The following GRIK4 variants were observed in gnomAD, a reference collection of about 807,000 sequenced individuals.
The protein encoded by GRIK4 is glutamate ionotropic receptor kainate type subunit 4.
A neutral mutation model predicts 104.9 loss-of-function variants in GRIK4; 40 were observed. The observed-to-expected ratio is 0.38, with a 90% CI of 0.30 to 0.50. GRIK4 has a LOEUF of 0.50. Among genes scored for constraint, GRIK4 ranks in the 20% least tolerant of loss-of-function variants. The pLI is 0.93. For synonymous variants in GRIK4, 485 were observed against 524.9 expected (o/e 0.92, Z 1.04); for missense variants, 1,047 against 1,308.1 (o/e 0.80, Z 3.08).
intron 1 of GRIK4, among the ~76,000 whole-genome samples, chr11:120,583,122 T>A (rs1363208523): frequency 6.6e-6 from 1 of 152,260 alleles, no homozygotes; most frequent in African/African-American, 2.4e-5. Flanking sequence ...TGAGCATTTT[T>A]TCATGCTTGT....
chr11:120,647,997 G>A (rs966466587), intron 1 of GRIK4, among the ~76,000 whole-genome samples: 1 of 152,182 alleles, frequency 6.6e-6, no homozygotes, highest in Non-Finnish European at 1.5e-5. Context: ...TGTTGGAGGA[G>A]GTACAGTACC....
At chr11:120,546,830 G>A (rs1228003869) in intron 1 of GRIK4, among the ~76,000 whole-genome samples, 1 of 152,164 alleles carries the variant, frequency 6.6e-6, no homozygotes, top group Admixed American at 6.5e-5. Context: ...GGAACTTCAG[G>A]CCCAGAACTG....
intron 3 of GRIK4, among the ~76,000 whole-genome samples, chr11:120,799,735 G>C (rs1176569087): frequency 6.6e-6 from 1 of 152,230 alleles, no homozygotes; most frequent in Non-Finnish European, 1.5e-5. Flanking sequence ...TTAATGTAAA[G>C]CTTGTGTGTC....
At chr11:120,575,326 T>C (rs1042935467) in intron 1 of GRIK4, among the ~76,000 whole-genome samples, 2 of 152,144 alleles carry the variant, frequency 1.3e-5, no homozygotes, top group African/African-American at 4.8e-5. Flanking sequence ...CCCTCCCCTT[T>C]CCCTGCCCAG....
At position 120,653,686 on chromosome 11, in the gene GRIK4, A is replaced by G. The variant is rs934513369; in HGVS notation, c.-157A>G. On this transcript the variant is annotated splice_region_variant and 5_prime_UTR_variant, in exon 2 of 21. Coordinates refer to ENST00000527524, the MANE Select transcript of GRIK4 (RefSeq NM_014619.5). ...GATTGGACTCTTTTTTTATTCCAGC[A>G]GATACTTTCTGAGTGCCTACTATGT... 6.6e-6 allele frequency: 1 copy of G among 152,216 alleles called. No homozygotes were observed. Among genetic ancestry groups the G allele is most frequent in the Non-Finnish European group, 1.5e-5 (1 of 68,052 alleles). 9.4% of individuals were successfully genotyped at this position (152,216 alleles called of 1,614,324 possible).
chr11:120,837,550 C>T lies in GRIK4; in HGVS notation c.744+706C>T, dbSNP rs369576650. ...ATGAAAGCCACACATATTATATGCG[C>T]GTAGCTTAAGAAAACTTTTTCCAAG... On this transcript the variant is annotated intron_variant, in intron 8 of 20. Coordinates refer to ENST00000527524, the MANE Select transcript of GRIK4 (RefSeq NM_014619.5). 2.9e-3 allele frequency among the ~76,000 whole-genome samples: 439 copies of T among 152,222 alleles called. 1 individual carries two copies. The highest frequency in any genetic ancestry group is 0.012 in the South Asian group (58 of 4,818).
intron 3 of GRIK4, among the ~76,000 whole-genome samples, chr11:120,799,368 G>A (rs1952582446): frequency 6.6e-6 from 1 of 152,160 alleles, no homozygotes; most frequent in Non-Finnish European, 1.5e-5. Context: ...GAGGTCCAGG[G>A]GCAAGCCTGT....
At chr11:120,919,711 G>A (rs1209663293) in intron 13 of GRIK4, among the ~76,000 whole-genome samples, 4 of 152,148 alleles carry the variant, frequency 2.6e-5, no homozygotes, top group Admixed American at 1.3e-4. Context: ...TCAAAGGAAG[G>A]CTTTAATGAT....
intron 16 of GRIK4, among the ~76,000 whole-genome samples, chr11:120,960,314 C>A (rs1360191150): frequency 6.6e-6 from 1 of 152,098 alleles, no homozygotes; most frequent in Non-Finnish European, 1.5e-5. Context: ...GGCAACAGAG[C>A]AAGACTCCGT....
chr11:120,619,908 C>A, intron 1 of GRIK4: 2 of 285,660 alleles, frequency 7.0e-6, no homozygotes, highest in Non-Finnish European at 1.3e-5. Context: ...AAAGAGTTAA[C>A]AGTGTATTAT....
chr11:120,871,229 G>A (rs777318281), intron 9 of GRIK4: 32 of 173,024 alleles, frequency 1.8e-4, no homozygotes, highest in Non-Finnish European at 3.0e-4. Flanking sequence ...CTAACTTGCT[G>A]TCAATTTGTC....
chr11:120,520,310 G>A (rs1947781501), intron 1 of GRIK4, among the ~76,000 whole-genome samples: 2 of 152,228 alleles, frequency 1.3e-5, no homozygotes, highest in Non-Finnish European at 2.9e-5. Flanking sequence ...ATCAGCAGGC[G>A]CGGAGAATGA....
At chr11:120,805,149 G>A (rs929885685) in intron 4 of GRIK4, among the ~76,000 whole-genome samples, 2 of 152,186 alleles carry the variant, frequency 1.3e-5, no homozygotes, top group Non-Finnish European at 2.9e-5. Context: ...AGATTTCCCA[G>A]TATCTTGCAA....
chr11:120,592,938 T>G (rs1948752449), intron 1 of GRIK4, among the ~76,000 whole-genome samples: 2 of 152,280 alleles, frequency 1.3e-5, no homozygotes, highest in South Asian at 4.1e-4. Flanking sequence ...ATCCCAGCAC[T>G]TTGGGAGGCC....
chr11:120,793,013 A>G (rs116265408), intron 3 of GRIK4, among the ~76,000 whole-genome samples: 239 of 152,316 alleles, frequency 1.6e-3, no homozygotes, highest in African/African-American at 5.6e-3. Context: ...GAGTAGTTTC[A>G]TGGAAGCCAA....
intron 1 of GRIK4, among the ~76,000 whole-genome samples, chr11:120,544,058 C>T (rs1265921194): frequency 6.6e-6 from 1 of 152,234 alleles, no homozygotes; most frequent in African/African-American, 2.4e-5. Context: ...AGCTGCGCTG[C>T]ATAGTGCCCA....
chr11:120,806,291 A>G (rs1208702513), intron 4 of GRIK4, among the ~76,000 whole-genome samples: 1 of 152,106 alleles, frequency 6.6e-6, no homozygotes, highest in African/African-American at 2.4e-5. Flanking sequence ...TGGCCTGCCT[A>G]ATGTCAGCAT....
intron 13 of GRIK4, among the ~76,000 whole-genome samples, chr11:120,925,994 A>G (rs1242911910): frequency 1.3e-5 from 2 of 152,014 alleles, no homozygotes; most frequent in Non-Finnish European, 2.9e-5. Flanking sequence ...AAAGAAAGAA[A>G]AAAAAGAAAA....
chr11:120,615,473 C>T (rs1380906928), intron 1 of GRIK4, among the ~76,000 whole-genome samples: 2 of 152,232 alleles, frequency 1.3e-5, no homozygotes, highest in African/African-American at 4.8e-5. Context: ...TTAAGTCAGA[C>T]TCTGAGGAAT....
Sources: allele counts gnomAD v4.1 joint callset (sites outside exome capture counted in the v4.1 genomes callset), GRCh38; gene constraint gnomAD v4.1.1; transcripts MANE v1.5; gene names NCBI Gene and HGNC (gene_info 2026-07-23, HGNC 2026-07-21).